PUM2: variants seen among roughly 807,000 people sequenced by gnomAD.
The protein encoded by PUM2 is pumilio RNA binding family member 2.
In PUM2, 57 loss-of-function variants were observed where a neutral mutation model predicts 124.5. The observed-to-expected ratio is 0.46, with a 90% CI of 0.37 to 0.57. The LOEUF is 0.57. PUM2 is among the 20% of genes least tolerant of loss of function. PUM2 has a pLI of 0.00. For synonymous variants in PUM2, 460 were observed against 446.1 expected (o/e 1.03, Z -0.39); for missense variants, 1,065 against 1,290.6 (o/e 0.83, Z 2.68).
chr2:20,269,641 T>C (rs530074710), intron 13 of PUM2, among the ~76,000 whole-genome samples: 1 of 150,708 alleles, frequency 6.6e-6, no homozygotes, highest in African/African-American at 2.5e-5. Flanking sequence ...AATACACACA[T>C]GTCAAACGTA....
chr2:20,265,398 T>G (rs1213306340), intron 13 of PUM2, among the ~76,000 whole-genome samples: 1 of 152,254 alleles, frequency 6.6e-6, no homozygotes, highest in Non-Finnish European at 1.5e-5. Flanking sequence ...GTTTCAATAC[T>G]GTCTCACTAC....
Position 20,290,795 on chromosome 2 carries a change from A to G in PUM2, c.1153-5T>C. ...ACCTGCTCCAGCACGGAGAACCTAC[A>G]AAGGTAAAATGATTTTCTTAAAATC... On this transcript the variant is annotated splice_region_variant and splice_polypyrimidine_tract_variant and intron_variant, in intron 9 of 20. Coordinates refer to ENST00000361078, the MANE Select transcript of PUM2 (RefSeq NM_015317.5). 2 of 1,563,380 alleles carry G rather than the reference A, an allele frequency of 1.3e-6. No homozygotes were observed. The highest frequency in any genetic ancestry group is 1.2e-5 in the South Asian group (1 of 82,194).
At chr2:20,298,189 G>C (rs958554947) in intron 7 of PUM2, among the ~76,000 whole-genome samples, 3 of 152,198 alleles carry the variant, frequency 2.0e-5, no homozygotes, top group African/African-American at 7.2e-5. Context: ...AGCATATTAA[G>C]TGCTCTGGGC....
rs540967428 is a variant in PUM2 at position 20,249,313 on chromosome 2, A to G, written c.*2272T>C. 6.6e-6 allele frequency: 1 copy of G among 152,564 alleles called. No individual in the cohort carries two copies. The allele number at this position is 152,564 out of a possible 1,614,324, so 9.5% of individuals were successfully genotyped here. A position where few individuals can be genotyped will look rare whatever the true frequency, so the allele number is the denominator to read the frequency against. On this transcript the variant is annotated 3_prime_UTR_variant, in exon 21 of 21. Coordinates refer to ENST00000361078, the MANE Select transcript of PUM2 (RefSeq NM_015317.5). ...AAACCATGGGCTGATACTGAGAACA[A>G]AAGTTCGATACGGGCCGAAATACTC...
At chr2:20,296,279 A>AG (rs1675516900) in intron 8 of PUM2, among the ~76,000 whole-genome samples, 1 of 152,114 alleles carries the variant, frequency 6.6e-6, no homozygotes, top group Admixed American at 6.5e-5. Flanking sequence ...GCGGATCACA[A>AG]GGTCAGGAGA....
At chr2:20,265,721 A>G (rs1667491391) in intron 13 of PUM2, among the ~76,000 whole-genome samples, 1 of 152,224 alleles carries the variant, frequency 6.6e-6, no homozygotes, top group Non-Finnish European at 1.5e-5. Flanking sequence ...CAGCATCCTG[A>G]TAAGAGTACT....
In PUM2 at chr2:20,253,888, G is replaced by A; in HGVS notation, c.2997C>T (p.Ala999=). The A allele has an allele frequency of 6.2e-7, 1 of 1,613,882 alleles. No homozygotes were observed. The change falls in exon 20 of 21, where the codon GCC becomes GCT. Residue 999 remains alanine (A), a synonymous_variant. Coordinates refer to ENST00000361078, the MANE Select transcript of PUM2 (RefSeq NM_015317.5). The stretch of plus-strand genomic sequence containing the variant: ...CAATCATCTTTTGAACCACGTAATT[G>A]GCATACTGGTCCTTCATCATGGTGT... ...ALYTMMKDQY[A]NYVVQKMIDM... is the part of the protein sequence containing the mutation.
intron 1 of PUM2, among the ~76,000 whole-genome samples, chr2:20,342,897 A>T (rs1221255706): frequency 2.6e-5 from 4 of 152,214 alleles, no homozygotes; most frequent in African/African-American, 9.6e-5. Flanking sequence ...AACACCACCA[A>T]ACATCTAGGT....
chr2:20,309,335 C>CA (rs1222808762), intron 5 of PUM2, among the ~76,000 whole-genome samples: 1 of 151,458 alleles, frequency 6.6e-6, no homozygotes. Context: ...CTTATTATAC[C>CA]AAATAGTTCA....
intron 9 of PUM2, 121 bp downstream of exon 9, chr2:20,294,255 G>A: frequency 1.9e-6 from 2 of 1,072,576 alleles, no homozygotes; most frequent in South Asian, 1.6e-5. Context: ...CGTATCAACT[G>A]TATGCCAGGA....
chr2:20,331,143 A>C (rs1684824135), intron 1 of PUM2, among the ~76,000 whole-genome samples: 1 of 151,380 alleles, frequency 6.6e-6, no homozygotes, highest in East Asian at 1.9e-4. Context: ...AAAAAAAAAA[A>C]CCACACGCGT....
intron 14 of PUM2, among the ~76,000 whole-genome samples, chr2:20,261,759 C>G (rs1046081869): frequency 6.6e-6 from 1 of 152,054 alleles, no homozygotes; most frequent in African/African-American, 2.4e-5. Flanking sequence ...AATCTGTAAA[C>G]AGAAAAAGTC....
At chr2:20,282,354 T>G (rs941603329) in intron 12 of PUM2, among the ~76,000 whole-genome samples, 1 of 152,240 alleles carries the variant, frequency 6.6e-6, no homozygotes, top group Non-Finnish European at 1.5e-5. Context: ...ATAGATACCC[T>G]TTTAAGTGAA....
At chr2:20,275,677 C>T (rs1401188253) in intron 13 of PUM2, among the ~76,000 whole-genome samples, 1 of 151,984 alleles carries the variant, frequency 6.6e-6, no homozygotes. Context: ...AACCAACCAA[C>T]CCATAAATTA....
chr2:20,322,352 G>T (rs1017067484), intron 2 of PUM2, among the ~76,000 whole-genome samples: 1 of 152,134 alleles, frequency 6.6e-6, no homozygotes, highest in Non-Finnish European at 1.5e-5. Flanking sequence ...ACTGAGGGAG[G>T]TGAGAAGATA....
rs377705456 is a variant in PUM2 at position 20,256,142 on chromosome 2, T to C, written c.2513A>G (p.His838Arg). 2 of 1,598,522 alleles carry C rather than the reference T, an allele frequency of 1.3e-6. No homozygotes were observed. Among genetic ancestry groups the C allele is most frequent in the Non-Finnish European group, 1.7e-6 (2 of 1,174,946 alleles). ...CTGATCTTTCACACATTTGAGCACA[T>C]GACCATCCAGCTCCTTTACCATTTC... ...QSEMVKELDG[H>R]VLKCVKDQNG... Residue 838 changes from histidine to arginine, a missense_variant, in exon 17 of 21, where the codon CAT becomes CGT. Transcript: ENST00000361078.
At chr2:20,337,793 G>T (rs1686431195) in intron 1 of PUM2, among the ~76,000 whole-genome samples, 1 of 152,018 alleles carries the variant, frequency 6.6e-6, no homozygotes, top group East Asian at 1.9e-4. Context: ...TTTCCAAAAG[G>T]GTACAAATTT....
rs193204590 is a variant in PUM2, at chr2:20,308,327, T to C, written c.776A>G (p.Asn259Ser). ...ACATGCTTTTACCTGCTGCTGGGAA[T>C]TGTAGTCAAAAAGGCCTACAGTAGC... ...SGATVGLFDY[N>S]SQQQLFQRTN... The change falls in exon 6 of 21, where the codon AAT (asparagine) becomes AGT (serine). Residue 259 changes from asparagine (N) to serine (S), a missense_variant. Asn to Ser is a conservative substitution (Grantham distance 46). Transcript: ENST00000361078. 9 of 1,613,542 alleles carry C rather than the reference T, an allele frequency of 5.6e-6. No individual in the cohort carries two copies. The East Asian group carries it at 6.7e-5, about 12-fold the overall frequency.
At chr2:20,345,836 T>A (rs1239681441) in intron 1 of PUM2, among the ~76,000 whole-genome samples, 1 of 152,190 alleles carries the variant, frequency 6.6e-6, no homozygotes, top group African/African-American at 2.4e-5. Context: ...CACGCCATTG[T>A]ACTCCAGCCT....
Sources: allele counts gnomAD v4.1 joint callset (sites outside exome capture counted in the v4.1 genomes callset), GRCh38; gene constraint gnomAD v4.1.1; transcripts MANE v1.5; gene names NCBI Gene and HGNC (gene_info 2026-07-23, HGNC 2026-07-21).